The following RGL1 variants were observed in gnomAD, a reference collection of about 807,000 sequenced individuals.
RGL1 encodes ral guanine nucleotide dissociation stimulator like 1.
Under a neutral mutation model 95.2 loss-of-function variants are expected in RGL1, and 24 were observed. The observed-to-expected ratio is 0.25, with a 90% CI of 0.18 to 0.35. The LOEUF (loss-of-function observed/expected upper bound fraction) is 0.35. RGL1 is among the 10% of genes least tolerant of loss of function. The pLI is 1.00. For missense variants in RGL1, 715 were observed against 936.3 expected (o/e 0.76, Z 3.08); for synonymous variants, 329 against 344.9 (o/e 0.95, Z 0.51).
chr1:183,844,242 A>C (rs1265472345), intron 2 of RGL1, among the ~76,000 whole-genome samples: 1 of 152,252 alleles, frequency 6.6e-6, no homozygotes, highest in African/African-American at 2.4e-5. Flanking sequence ...TTTTGTATTA[A>C]TAAAGAGATC....
In RGL1 at chr1:183,927,182, C is replaced by T. The variant is rs1475548680; in HGVS notation, c.*890C>T. 6.6e-6 allele frequency: 1 copy of T among 152,624 alleles called. No individual in the cohort carries two copies. Among genetic ancestry groups the T allele is most frequent in the East Asian group, 1.9e-4 (1 of 5,198 alleles). The allele number at this position is 152,624 out of a possible 1,614,324, so 9.5% of individuals were successfully genotyped here. A position where few individuals can be genotyped will look rare whatever the true frequency, so the allele number is the denominator to read the frequency against. On this transcript the variant is annotated 3_prime_UTR_variant, in exon 18 of 18. Transcript: ENST00000360851. ...GCAAAAGAATGGTGACTCATTTGGA[C>T]TCTTATCTGTCTTGGAATGTCACTG...
At chr1:183,729,523 T>C (rs1200378449) in intron 1 of RGL1, among the ~76,000 whole-genome samples, 1 of 152,146 alleles carries the variant, frequency 6.6e-6, no homozygotes, top group Admixed American at 6.6e-5. Context: ...ACACCGCTTA[T>C]GGGAATATAA....
intron 2 of RGL1, among the ~76,000 whole-genome samples, chr1:183,780,999 C>T (rs1231734987): frequency 6.6e-6 from 1 of 152,208 alleles, no homozygotes; most frequent in Non-Finnish European, 1.5e-5. Context: ...GGTTTGTCAA[C>T]ATTTCCTCCA....
intron 2 of RGL1, among the ~76,000 whole-genome samples, chr1:183,797,488 T>C (rs748480685): frequency 2.0e-5 from 3 of 152,256 alleles, no homozygotes; most frequent in South Asian, 2.1e-4. Context: ...TCTTCTTTAG[T>C]TGTAATACGT....
In RGL1 at chr1:183,886,272, T is replaced by C. The variant is rs183855574; in HGVS notation, c.951+1334T>C. Among the ~76,000 whole-genome samples the C allele has an allele frequency of 3.9e-5, 6 of 152,320 alleles. No homozygotes were observed. In the East Asian group the frequency reaches 1.2e-3, roughly 29 times the overall value. ...GTCAGCAAGAAACAAAGAGTGTAAGTTGCATAAACAACTTCTATTTCTCCT... is the reference window on the plus strand; with the variant it reads ...GTCAGCAAGAAACAAAGAGTGTAAGCTGCATAAACAACTTCTATTTCTCCT... On this transcript the variant is annotated intron_variant, in intron 7 of 17. Coordinates refer to ENST00000360851, the MANE Select transcript of RGL1 (RefSeq NM_001297671.3).
At chr1:183,747,729 G>T (rs1029315164) in intron 2 of RGL1, among the ~76,000 whole-genome samples, 1 of 152,122 alleles carries the variant, frequency 6.6e-6, no homozygotes, top group Admixed American at 6.5e-5. Flanking sequence ...TGCTGGATTC[G>T]GTTTGCCAGT....
rs998773965 is a variant in RGL1, at chr1:183,927,333, A to T, written c.*1041A>T. On this transcript the variant is annotated 3_prime_UTR_variant, in exon 18 of 18. Coordinates refer to ENST00000360851, the MANE Select transcript of RGL1 (RefSeq NM_001297671.3). Reference sequence around the variant, plus strand: ...CTCAGGTGTGGAAATTTCTACTGCAATTGACTACGTTTGATTATTTTGAGC... The same window carrying T: ...CTCAGGTGTGGAAATTTCTACTGCATTTGACTACGTTTGATTATTTTGAGC... The T allele has an allele frequency of 1.3e-5, 2 of 152,562 alleles. No homozygotes were observed. The highest frequency in any genetic ancestry group is 4.8e-5 in the African/African-American group (2 of 41,438). The allele number at this position is 152,562 out of a possible 1,614,324, so 9.5% of individuals were successfully genotyped here. A position where few individuals can be genotyped will look rare whatever the true frequency, so the allele number is the denominator to read the frequency against.
At chr1:183,656,509 C>G (rs1243254500) in intron 1 of RGL1, among the ~76,000 whole-genome samples, 1 of 152,220 alleles carries the variant, frequency 6.6e-6, no homozygotes, top group African/African-American at 2.4e-5. Context: ...GCCAACTGTT[C>G]AAACTGTGTT....
intron 2 of RGL1, among the ~76,000 whole-genome samples, chr1:183,790,276 G>A (rs4609388): frequency 0.63 from 94,901 of 151,802 alleles, 29,804 homozygotes; most frequent in East Asian, 0.83. Context: ...TGATGCCCTC[G>A]TTCCCATGGT....
chr1:183,824,363 G>A (rs1662708604), intron 2 of RGL1, among the ~76,000 whole-genome samples: 1 of 151,958 alleles, frequency 6.6e-6, no homozygotes, highest in African/African-American at 2.4e-5. Context: ...TCACTTGAAG[G>A]GCTAAGTGCT....
At chr1:183,773,071 C>A (rs1038595058) in intron 2 of RGL1, among the ~76,000 whole-genome samples, 10 of 148,250 alleles carry the variant, frequency 6.7e-5, no homozygotes, top group Non-Finnish European at 1.0e-4. Flanking sequence ...TATCTATAAT[C>A]CCAATGCCTT....
At chr1:183,705,228 T>C (rs1407153729) in intron 1 of RGL1, among the ~76,000 whole-genome samples, 1 of 151,842 alleles carries the variant, frequency 6.6e-6, no homozygotes, top group Non-Finnish European at 1.5e-5. Flanking sequence ...TCTTGCTTAG[T>C]TTGTGGAGGT....
intron 16 of RGL1, among the ~76,000 whole-genome samples, chr1:183,921,184 A>C (rs1572607967): frequency 6.6e-6 from 1 of 152,362 alleles, no homozygotes; most frequent in South Asian, 2.1e-4. Flanking sequence ...GAAGAACATC[A>C]GAATTGGGGA....
rs915625772 is a variant in RGL1, at chr1:183,926,353, G to A, written c.*61G>A. The A allele has an allele frequency of 1.9e-5, 27 of 1,427,286 alleles. No individual in the cohort carries two copies. The highest frequency in any genetic ancestry group is 9.5e-5 in the East Asian group (4 of 42,316). 88.4% of individuals were successfully genotyped at this position (1,427,286 alleles called of 1,614,324 possible). ...AGAGTGGGGCTGAGAAACAGGCTGC[G>A]GTGATTGCAATTACCATCCGGTGTT... On this transcript the variant is annotated 3_prime_UTR_variant, in exon 18 of 18. Transcript: ENST00000360851.
At chr1:183,765,970 G>T (rs1658938882) in intron 2 of RGL1, among the ~76,000 whole-genome samples, 1 of 151,658 alleles carries the variant, frequency 6.6e-6, no homozygotes, top group Non-Finnish European at 1.5e-5. Flanking sequence ...ATAACCCAAA[G>T]AAATAATGCT....
intron 2 of RGL1, among the ~76,000 whole-genome samples, chr1:183,758,920 T>C (rs1015188153): frequency 6.6e-6 from 1 of 152,230 alleles, no homozygotes; most frequent in Non-Finnish European, 1.5e-5. Flanking sequence ...TTCTGCATAA[T>C]TGAGCTCTGT....
intron 2 of RGL1, among the ~76,000 whole-genome samples, chr1:183,826,027 A>ATCAG (rs139784453): frequency 0.17 from 23,667 of 140,048 alleles, 2,186 homozygotes; most frequent in South Asian, 0.23. Flanking sequence ...CAATCAATCA[A>ATCAG]TCAATCGCAA....
intron 3 of RGL1, among the ~76,000 whole-genome samples, chr1:183,856,607 T>C (rs1179560845): frequency 1.3e-5 from 2 of 150,212 alleles, no homozygotes; most frequent in East Asian, 3.9e-4. Context: ...AGAATTGTTA[T>C]TATTTTCTCC....
At chr1:183,867,800 T>C (rs778809605) in intron 4 of RGL1, among the ~76,000 whole-genome samples, 1 of 152,160 alleles carries the variant, frequency 6.6e-6, no homozygotes, top group Admixed American at 6.5e-5. Context: ...ATATTCATTT[T>C]GGGGCCAAAA....
Sources: gnomAD v4.1 joint callset for allele counts (sites outside exome capture counted in the v4.1 genomes callset) on GRCh38, gnomAD v4.1.1 for gene constraint, MANE v1.5 for transcripts, NCBI Gene and HGNC (gene_info 2026-07-23, HGNC 2026-07-21) for gene names.